TTLL8: variants seen among roughly 807,000 people sequenced by gnomAD.
The protein encoded by TTLL8 is tubulin tyrosine ligase like 8.
TTLL8 carries 65 observed loss-of-function variants against 77.8 expected under a neutral mutation model. That is an observed-to-expected ratio of 0.84 (90% CI 0.68 to 1.03). The LOEUF is 1.03. Ranked by LOEUF, TTLL8 falls within the 50% of genes least tolerant of loss-of-function variation. TTLL8 has a pLI of 0.00. For missense variants in TTLL8, 910 were observed against 1,004.5 expected, an observed-to-expected ratio of 0.91 and a Z score of 1.27; for synonymous variants, 402 against 422.8, an observed-to-expected ratio of 0.95 and a Z score of 0.60.
Position 50,041,633 on chromosome 22 carries a change from T to G in TTLL8, c.818A>C (p.Tyr273Ser). The G allele has an allele frequency of 4.4e-6, 6 of 1,362,382 alleles. No individual in the cohort carries two copies. Among genetic ancestry groups the G allele is most frequent in the Non-Finnish European group, 3.9e-6 (4 of 1,019,766 alleles). The allele number at this position is 1,362,382 out of a possible 1,614,324, so 84.4% of individuals were successfully genotyped here. A position where few individuals can be genotyped will look rare whatever the true frequency, so the allele number is the denominator to read the frequency against. The change falls in exon 7 of 14, where the codon TAC becomes TCC. Residue 273 changes from tyrosine to serine, a missense_variant. This residue lies in a region of TTLL8 where 776 missense variants were observed against 926.1 expected (regional missense o/e 0.84). Coordinates refer to ENST00000266182, the Ensembl canonical transcript of TTLL8. This position sits in a 1 kb window ranked among gnomAD's most constrained non-coding sequence, Gnocchi z 4.3. ...GCGTAAGTCTTACTGAACGAGGGAG[T>G]AGTACTGCTGGGTCAGGTCCTCCCA...
rs1318423525 is a variant in TTLL8 at position 50,034,382 on chromosome 22, C to G, written c.1002G>C (p.Lys334Asn). 1 of 1,367,110 alleles carries G rather than the reference C, an allele frequency of 7.3e-7. No individual in the cohort carries two copies. The highest frequency in any genetic ancestry group is 4.5e-5 in the East Asian group (1 of 21,998). 84.7% of individuals were successfully genotyped at this position (1,367,110 alleles called of 1,614,324 possible). The change falls in exon 9 of 14, where the codon AAG (lysine) becomes AAC (asparagine). Residue 334 changes from lysine to asparagine, a missense_variant. By Grantham distance (94) the Lys-to-Asn change is moderately conservative. Transcript: ENST00000266182. The surrounding 1 kb of genome is among the most constrained non-coding windows in gnomAD (Gnocchi z 4.1). Reference sequence around the variant, plus strand: ...CTCGGCCCCGGGACTTGGCCGCGGGCTTTATAATCCAGATGTTCCGGAGCC... The same window carrying G: ...CTCGGCCCCGGGACTTGGCCGCGGGGTTTATAATCCAGATGTTCCGGAGCC...
intron 1 of TTLL8, among the ~76,000 whole-genome samples, chr22:50,051,744 T>C (rs1486839469): frequency 1.3e-5 from 2 of 152,196 alleles, no homozygotes; most frequent in South Asian, 2.1e-4. Flanking sequence ...AGGAGGAAGG[T>C]GGTATCACAT....
At chr22:50,039,600 T>C (rs1448395112) in intron 8 of TTLL8, among the ~76,000 whole-genome samples, 4 of 152,230 alleles carry the variant, frequency 2.6e-5, no homozygotes, top group African/African-American at 9.7e-5. Flanking sequence ...GAGGAAAAGA[T>C]ATTACCTTCA....
exon 5 of TTLL8, chr22:50,045,924 G>C (rs758978774): frequency 7.3e-7 from 1 of 1,361,850 alleles, no homozygotes; most frequent in Non-Finnish European, 9.8e-7. Flanking sequence ...GTCGGGGTTG[G>C]CCGGGACGTA....
intron 3 of TTLL8, 86 bp downstream of exon 5, chr22:50,049,163 C>T: frequency 7.4e-7 from 1 of 1,354,988 alleles, no homozygotes; most frequent in Non-Finnish European, 9.8e-7. Context: ...CCCCCCAGGA[C>T]ATGGGAGAGT....
chr22:50,056,777 G>C (rs1055812759), upstream of TTLL8: 31 of 1,288,246 alleles, frequency 2.4e-5, no homozygotes, highest in Admixed American at 4.6e-5. The surrounding 1 kb of genome is among the most constrained non-coding windows in gnomAD (Gnocchi z 4.1). Context: ...CAGAGTCCCT[G>C]ATTTCCTGGC....
At chr22:50,035,065 T>C (rs1241020608) in intron 8 of TTLL8, among the ~76,000 whole-genome samples, 1 of 151,928 alleles carries the variant, frequency 6.6e-6, no homozygotes, top group Non-Finnish European at 1.5e-5. Flanking sequence ...TGGGGAGAGC[T>C]GTTTGAGGGG....
chr22:50,033,046 G>A, intron 10 of TTLL8, 156 bp downstream of exon 11: 1 of 786,506 alleles, frequency 1.3e-6, no homozygotes, highest in South Asian at 5.7e-5. Context: ...GAGATCATCA[G>A]CCTCCCAAGC....
At chr22:50,029,599 C>G (rs889806135) in intron 12 of TTLL8, among the ~76,000 whole-genome samples, 5 of 152,158 alleles carry the variant, frequency 3.3e-5, no homozygotes, top group African/African-American at 1.2e-4. Context: ...GGCGCGGTGG[C>G]GGGCGCCTGT....
upstream of TTLL8, among the ~76,000 whole-genome samples, chr22:50,057,536 G>GT (rs2061485753): frequency 8.5e-6 from 1 of 117,128 alleles, no homozygotes; most frequent in African/African-American, 4.0e-5. Flanking sequence ...TCTGGGTTGA[G>GT]CGGGAGGTCT....
chr22:50,030,714 A>G (rs1318928556), exon 12 of TTLL8: 2 of 1,300,628 alleles, frequency 1.5e-6, no homozygotes, highest in Non-Finnish European at 2.0e-6. Context: ...CTCTTCCTTC[A>G]GTCCCAAGTC....
At chr22:50,032,665 C>T (rs868549576) in intron 10 of TTLL8, among the ~76,000 whole-genome samples, 2 of 152,184 alleles carry the variant, frequency 1.3e-5, no homozygotes, top group African/African-American at 2.4e-5. Flanking sequence ...GGTCCCCTAG[C>T]GCCTCACACC....
intron 8 of TTLL8, among the ~76,000 whole-genome samples, chr22:50,038,865 C>G (rs2061352322): frequency 6.6e-6 from 1 of 151,838 alleles, no homozygotes; most frequent in Non-Finnish European, 1.5e-5. Flanking sequence ...AACAAATTTA[C>G]TAGGACAGGT....
chr22:50,051,609 C>T (rs1452425106), intron 1 of TTLL8, among the ~76,000 whole-genome samples: 1 of 152,160 alleles, frequency 6.6e-6, no homozygotes, highest in Non-Finnish European at 1.5e-5. Context: ...AAGGAATGTC[C>T]ACGCTGTTTT....
chr22:50,046,495 A>G (rs1195164235), intron 4 of TTLL8, among the ~76,000 whole-genome samples: 1 of 152,242 alleles, frequency 6.6e-6, no homozygotes, highest in Non-Finnish European at 1.5e-5. Context: ...GCCCCCAGAA[A>G]ACACAGCGCA....
rs575791484 is a variant in TTLL8, at chr22:50,048,539, C to G, written c.264+710G>C. On this transcript the variant is annotated intron_variant, in intron 3 of 13. Transcript: ENST00000266182. ...AGCCTCCAGAACAGTGAGGAATGTT[C>G]TGATGTGTCCACACCACTGCCCACG... Among the ~76,000 whole-genome samples the G allele has an allele frequency of 5.3e-5, 8 of 152,268 alleles. No individual in the cohort carries two copies. In the South Asian group the frequency reaches 1.0e-3, roughly 20 times the overall value.
At position 50,031,566 on chromosome 22, in the gene TTLL8, T is replaced by C. The variant is rs951833798; in HGVS notation, c.1707+120A>G. The C allele has an allele frequency of 3.0e-5, 36 of 1,187,258 alleles. 1 individual carries two copies. In the East Asian group the frequency reaches 7.1e-4, roughly 23 times the overall value. 73.5% of individuals were successfully genotyped at this position (1,187,258 alleles called of 1,614,324 possible). ...GAGCATGGTCACAGAGCAGGATCGG[T>C]GTCCTCCATAGACCCCGCTGCACTG... On this transcript the variant is annotated intron_variant, in intron 11 of 13. Coordinates refer to ENST00000266182, the Ensembl canonical transcript of TTLL8.
chr22:50,058,174 C>T (rs1410268642), upstream of TTLL8, among the ~76,000 whole-genome samples: 1 of 151,856 alleles, frequency 6.6e-6, no homozygotes, highest in African/African-American at 2.4e-5. The surrounding 1 kb of genome is among the most constrained non-coding windows in gnomAD (Gnocchi z 4.2). Context: ...GTCAGTGGCT[C>T]GCGCTGCGCC....
At position 50,049,135 on chromosome 22, in the gene TTLL8, C is replaced by T. The variant is rs902641303; in HGVS notation, c.264+114G>A. The T allele has an allele frequency of 1.7e-5, 22 of 1,317,358 alleles. No individual in the cohort carries two copies. The Admixed American group carries it at 4.5e-4, about 27-fold the overall frequency. 81.6% of individuals were successfully genotyped at this position (1,317,358 alleles called of 1,614,324 possible). A position where few individuals can be genotyped will look rare whatever the true frequency, so the allele number is the denominator to read the frequency against. On this transcript the variant is annotated intron_variant, in intron 3 of 13. Transcript: ENST00000266182. ...GGGCCCTGCTGTGACTGGGGCTTTGCCCTCGCCGGGCTGCCATCCCCCCAG... is the reference window on the plus strand; with the variant it reads ...GGGCCCTGCTGTGACTGGGGCTTTGTCCTCGCCGGGCTGCCATCCCCCCAG...
Sources: gnomAD v4.1 joint callset for allele counts (sites outside exome capture counted in the v4.1 genomes callset) on GRCh38, gnomAD v4.1.1 for gene constraint, gnomAD v4.1.1 regional missense constraint, Gnocchi (gnomAD v3.1) non-coding constraint, MANE v1.5 for transcripts, NCBI Gene and HGNC (gene_info 2026-07-23, HGNC 2026-07-21) for gene names.